NCAM2: variants seen among roughly 807,000 people sequenced by gnomAD.
NCAM2 encodes the protein N-CAM-2.
Under a neutral mutation model 98.1 loss-of-function variants are expected in NCAM2, and 30 were observed. The ratio of observed to expected loss-of-function variants is 0.31; its 90% CI spans 0.23 to 0.41. The LOEUF (loss-of-function observed/expected upper bound fraction) is 0.41. Among genes scored for constraint, NCAM2 ranks in the 10% least tolerant of loss-of-function variants. The pLI is 1.00. For missense variants in NCAM2, 867 were observed against 1,005.8 expected, an observed-to-expected ratio of 0.86 and a Z score of 1.87; for synonymous variants, 368 against 342.4, an observed-to-expected ratio of 1.07 and a Z score of -0.83.
chr21:21,174,733 A>T (rs2068227547), intron 1 of NCAM2, among the ~76,000 whole-genome samples: 1 of 152,166 alleles, frequency 6.6e-6, no homozygotes, highest in South Asian at 2.1e-4. Flanking sequence ...GAGACAGGAA[A>T]TTAAAAAAAA....
intron 15 of NCAM2, among the ~76,000 whole-genome samples, chr21:21,500,644 C>T (rs1569122089): frequency 6.6e-6 from 1 of 151,788 alleles, no homozygotes; most frequent in South Asian, 2.1e-4. Flanking sequence ...TTCTTACCAC[C>T]CACAAATATA....
rs2074940481 is a variant in NCAM2, at chr21:21,338,531, T to C, written c.1041T>C (p.Asp347=). 6.2e-7 allele frequency: 1 copy of C among 1,606,232 alleles called. No individual in the cohort carries two copies. Among genetic ancestry groups the C allele is most frequent in the Non-Finnish European group, 8.5e-7 (1 of 1,176,860 alleles). Residue 347 remains aspartate, a synonymous_variant, in exon 8 of 18, where the codon GAT becomes GAC. Coordinates refer to ENST00000400546, the MANE Select transcript of NCAM2 (RefSeq NM_004540.5). ...ATGGCTTCACGTTCACTGAAGGCGA[T>C]AAGGTAACCACATCTCAATATGTAA... ...AVDGFTFTEG[D]KSLDGRIEVK...
At chr21:21,068,949 G>T (rs2065500882) in intron 1 of NCAM2, among the ~76,000 whole-genome samples, 1 of 151,954 alleles carries the variant, frequency 6.6e-6, no homozygotes, top group Admixed American at 6.6e-5. Flanking sequence ...ATATTTCCAT[G>T]GCCAAATGCT....
intron 1 of NCAM2, among the ~76,000 whole-genome samples, chr21:21,021,524 A>G (rs894987522): frequency 6.6e-6 from 1 of 152,210 alleles, no homozygotes; most frequent in African/African-American, 2.4e-5. Context: ...AACAAACAGT[A>G]GGAGATAAAA....
intron 1 of NCAM2, among the ~76,000 whole-genome samples, chr21:21,210,287 A>T (rs886523688): frequency 6.6e-6 from 1 of 152,220 alleles, no homozygotes; most frequent in Admixed American, 6.5e-5. Context: ...TAAAACGTTA[A>T]AATGCAGTGT....
At chr21:21,300,924 A>T (rs1025600315) in intron 5 of NCAM2, among the ~76,000 whole-genome samples, 1 of 152,036 alleles carries the variant, frequency 6.6e-6, no homozygotes, top group Non-Finnish European at 1.5e-5. Context: ...ATGTACAATA[A>T]TCTGCATAGA....
chr21:21,499,418 C>T (rs1200289234), intron 15 of NCAM2, among the ~76,000 whole-genome samples: 1 of 151,882 alleles, frequency 6.6e-6, no homozygotes, highest in Non-Finnish European at 1.5e-5. Context: ...ATTTTTTGTA[C>T]TTATAGTAGA....
In NCAM2 at chr21:21,198,184, ATGTGTGTGTGTGTGTG is replaced by A. The variant is rs10600265; in HGVS notation, c.56-82364_56-82349del. On this transcript the variant is annotated intron_variant, in intron 1 of 17. Coordinates refer to ENST00000400546, the MANE Select transcript of NCAM2 (RefSeq NM_004540.5). Reference sequence around the variant, plus strand: ...TTATTTTTTTAAATATGTAAAGTATATGTGTGTGTGTGTGTGTGTGTGTGTGTGTGTGTGTGTGTGT... The same window carrying A: ...TTATTTTTTTAAATATGTAAAGTATATGTGTGTGTGTGTGTGTGTGTGTGT... Among the ~76,000 whole-genome samples the A allele has an allele frequency of 6.8e-3, 992 of 146,280 alleles. 9 individuals carry two copies. Among genetic ancestry groups the A allele is most frequent in the African/African-American group, 0.018 (710 of 39,466 alleles).
chr21:21,450,809 C>CGT (rs879553453), intron 12 of NCAM2, among the ~76,000 whole-genome samples: 6 of 150,996 alleles, frequency 4.0e-5, no homozygotes, highest in Non-Finnish European at 7.4e-5. Flanking sequence ...CACACACACA[C>CGT]ACACACACAC....
At chr21:21,198,184 ATGTGTG>A (rs10600265) in intron 1 of NCAM2, among the ~76,000 whole-genome samples, 38,894 of 145,886 alleles carry the variant, frequency 0.27, 5,496 homozygotes, top group Non-Finnish European at 0.33. Context: ...TGTAAAGTAT[ATGTGTG>A]TGTGTGTGTG....
intron 1 of NCAM2, among the ~76,000 whole-genome samples, chr21:21,085,548 A>T (rs1809375640): frequency 6.6e-6 from 1 of 152,024 alleles, no homozygotes; most frequent in Non-Finnish European, 1.5e-5. Context: ...CAATCTCTGG[A>T]TGGGCTTCTT....
intron 1 of NCAM2, among the ~76,000 whole-genome samples, chr21:21,005,346 G>A (rs746079167): frequency 6.6e-6 from 1 of 152,096 alleles, no homozygotes; most frequent in Non-Finnish European, 1.5e-5. Flanking sequence ...AAATTGGTAG[G>A]AACGTGCCGC....
At chr21:21,294,712 C>G (rs2073413893) in intron 5 of NCAM2, among the ~76,000 whole-genome samples, 1 of 151,762 alleles carries the variant, frequency 6.6e-6, no homozygotes, top group African/African-American at 2.4e-5. Context: ...CCATCAGACG[C>G]CTGTGCTTTT....
intron 9 of NCAM2, among the ~76,000 whole-genome samples, chr21:21,401,221 T>G (rs192954877): frequency 9.8e-5 from 15 of 152,342 alleles, no homozygotes; most frequent in Middle Eastern, 3.4e-3. Context: ...TTAATTTAGT[T>G]GTATATATTT....
At chr21:21,492,101 A>G (rs1466913593) in intron 15 of NCAM2, among the ~76,000 whole-genome samples, 1 of 151,698 alleles carries the variant, frequency 6.6e-6, no homozygotes, top group Non-Finnish European at 1.5e-5. Flanking sequence ...AAGAGATTTG[A>G]GAAAATCTGA....
At chr21:21,016,008 G>A (rs964039283) in intron 1 of NCAM2, among the ~76,000 whole-genome samples, 3 of 151,880 alleles carry the variant, frequency 2.0e-5, no homozygotes, top group East Asian at 3.9e-4. Flanking sequence ...ATGCCCAGTC[G>A]CCTGTATTTC....
At chr21:21,332,029 A>G (rs1365189342) in intron 6 of NCAM2, among the ~76,000 whole-genome samples, 1 of 151,746 alleles carries the variant, frequency 6.6e-6, no homozygotes, top group Non-Finnish European at 1.5e-5. Flanking sequence ...CAACCTCCCA[A>G]GTAGCTGCGA....
intron 5 of NCAM2, among the ~76,000 whole-genome samples, chr21:21,323,112 A>G (rs1005309611): frequency 3.3e-5 from 5 of 152,202 alleles, no homozygotes; most frequent in African/African-American, 1.2e-4. Flanking sequence ...CAACTAATGT[A>G]TAAATAATGA....
intron 1 of NCAM2, among the ~76,000 whole-genome samples, chr21:21,015,609 T>A (rs1277721495): frequency 6.6e-6 from 1 of 152,234 alleles, no homozygotes; most frequent in Non-Finnish European, 1.5e-5. Flanking sequence ...AAAATTGTGT[T>A]ACTTAGTTTA....
Sources: gnomAD v4.1 joint callset for allele counts (sites outside exome capture counted in the v4.1 genomes callset) on GRCh38, gnomAD v4.1.1 for gene constraint, MANE v1.5 for transcripts, NCBI Gene and HGNC (gene_info 2026-07-23, HGNC 2026-07-21) for gene names.